STIMATE: variants seen among roughly 807,000 people sequenced by gnomAD.
STIMATE encodes store-operated calcium entry regulator STIMATE.
In STIMATE, 15 loss-of-function variants were observed where a neutral mutation model predicts 36.7. That is an observed-to-expected ratio of 0.41 (90% CI 0.27 to 0.63). STIMATE has a LOEUF of 0.63. Ranked by LOEUF, STIMATE falls within the 20% of genes least tolerant of loss-of-function variation. The pLI, the probability that STIMATE is intolerant of heterozygous loss-of-function variation, is 0.32. For missense variants in STIMATE, 305 were observed against 397.3 expected, an observed-to-expected ratio of 0.77 and a Z score of 1.98; for synonymous variants, 163 against 162.3, an observed-to-expected ratio of 1.00 and a Z score of -0.03.
rs566696796 is a variant in STIMATE, at chr3:52,840,419, G to A, written c.*75C>T. ...AAAGGAAGGGCAGAGAGAGGGTAAG[G>A]AACGATGCTGCGGGATGACCTCTGC... is the stretch of plus-strand genomic sequence containing the variant. On this transcript the variant is annotated 3_prime_UTR_variant, in exon 8 of 8. Transcript: ENST00000355083. 6.7e-6 allele frequency: 10 copies of A among 1,503,208 alleles called. No homozygotes were observed. The highest frequency in any genetic ancestry group is 5.5e-5 in the African/African-American group (4 of 72,826). 93.1% of individuals were successfully genotyped at this position (1,503,208 alleles called of 1,614,324 possible).
chr3:52,850,747 T>C (rs1382882190), intron 3 of STIMATE, among the ~76,000 whole-genome samples: 1 of 152,236 alleles, frequency 6.6e-6, no homozygotes, highest in Non-Finnish European at 1.5e-5. Flanking sequence ...TTTTCTTTTT[T>C]TGAGATGGAG....
chr3:52,861,757 G>A (rs571026025), intron 1 of STIMATE, among the ~76,000 whole-genome samples: 68 of 152,262 alleles, frequency 4.5e-4, no homozygotes, highest in Admixed American at 1.3e-3. Context: ...TCTGTGAAGC[G>A]TGAGACCTTG....
chr3:52,859,695 AAAG>A (rs1244220820), intron 1 of STIMATE, among the ~76,000 whole-genome samples: 1 of 151,494 alleles, frequency 6.6e-6, no homozygotes, highest in Non-Finnish European at 1.5e-5. Context: ...AGAGAGAAAA[AAAG>A]AAAAAAATCC....
intron 1 of STIMATE, among the ~76,000 whole-genome samples, chr3:52,893,295 A>G (rs1221661587): frequency 6.6e-6 from 1 of 151,856 alleles, no homozygotes; most frequent in Non-Finnish European, 1.5e-5. Context: ...GATTGTCCTT[A>G]TTTTGGGGAG....
intron 1 of STIMATE, among the ~76,000 whole-genome samples, chr3:52,884,090 C>CT (rs1041965305): frequency 6.6e-6 from 1 of 152,104 alleles, no homozygotes; most frequent in Non-Finnish European, 1.5e-5. Flanking sequence ...CATTTCAAGG[C>CT]TTTTTTCCCC....
At chr3:52,852,523 A>C in intron 3 of STIMATE, 80 bp downstream of exon 3, 1 of 1,568,574 alleles carries the variant, frequency 6.4e-7, no homozygotes, top group Non-Finnish European at 8.7e-7. Flanking sequence ...AGGGAGCAGG[A>C]CCAGCAGCAG....
intron 1 of STIMATE, among the ~76,000 whole-genome samples, chr3:52,889,896 C>T (rs1462389069): frequency 6.6e-6 from 1 of 152,170 alleles, no homozygotes; most frequent in Non-Finnish European, 1.5e-5. Flanking sequence ...TAAATGCACC[C>T]GTAAAAGAGG....
At chr3:52,865,867 C>T (rs1385727460) in intron 1 of STIMATE, among the ~76,000 whole-genome samples, 1 of 152,106 alleles carries the variant, frequency 6.6e-6, no homozygotes, top group Admixed American at 6.5e-5. Flanking sequence ...TGGACAACCA[C>T]ACAGATGCAC....
At chr3:52,892,073 T>C (rs2106736933) in intron 1 of STIMATE, among the ~76,000 whole-genome samples, 1 of 152,344 alleles carries the variant, frequency 6.6e-6, no homozygotes. Flanking sequence ...AGGGATCCTG[T>C]TATTTTTAAC....
At chr3:52,868,771 C>T (rs1215992635) in intron 1 of STIMATE, among the ~76,000 whole-genome samples, 4 of 152,134 alleles carry the variant, frequency 2.6e-5, no homozygotes, top group African/African-American at 4.8e-5. Context: ...TACAGGCACG[C>T]GCCACCATGC....
chr3:52,855,081 C>G (rs1441821568), intron 2 of STIMATE, among the ~76,000 whole-genome samples: 1 of 152,152 alleles, frequency 6.6e-6, no homozygotes. Context: ...TAAACCAAAT[C>G]TAACAACAGG....
Position 52,840,310 on chromosome 3 carries a change from G to A in STIMATE, c.*184C>T, listed in dbSNP as rs1307748881. ...CCAGCCGCCAGTGGCCCCCTCGGGC[G>A]CTGGCTCCTCTTCCCTCTTTTTAAG... On this transcript the variant is annotated 3_prime_UTR_variant, in exon 8 of 8. Coordinates refer to ENST00000355083, the MANE Select transcript of STIMATE (RefSeq NM_198563.5). 5.7e-5 allele frequency: 36 copies of A among 634,000 alleles called. No individual in the cohort carries two copies. In the East Asian group the frequency reaches 7.7e-4, roughly 14 times the overall value. The allele number at this position is 634,000 out of a possible 1,614,324, so 39.3% of individuals were successfully genotyped here. A position where few individuals can be genotyped will look rare whatever the true frequency, so the allele number is the denominator to read the frequency against.
rs937260185 is a variant in STIMATE at position 52,885,642 on chromosome 3, G to T, written c.160+11649C>A. 2.6e-5 allele frequency among the ~76,000 whole-genome samples: 4 copies of T among 152,214 alleles called. 1 individual carries two copies. Among genetic ancestry groups the T allele is most frequent in the Admixed American group, 2.0e-4 (3 of 15,282 alleles). ...ATCTGTTCATAAAAAGTCTCGAGGA[G>T]ACCCCTAAGCTAAGGTGGAGAGCTT... On this transcript the variant is annotated intron_variant, in intron 1 of 7. Coordinates refer to ENST00000355083, the MANE Select transcript of STIMATE (RefSeq NM_198563.5).
intron 3 of STIMATE, among the ~76,000 whole-genome samples, chr3:52,850,293 G>A (rs1481469648): frequency 1.3e-5 from 2 of 152,096 alleles, no homozygotes; most frequent in East Asian, 1.9e-4. Context: ...TTAGCTGGGC[G>A]TGGTGGCGCG....
intron 1 of STIMATE, among the ~76,000 whole-genome samples, chr3:52,868,819 C>T (rs749083552): frequency 6.6e-6 from 1 of 152,032 alleles, no homozygotes. Context: ...AAGGTTTTAC[C>T]GTGTTGTCTA....
intron 1 of STIMATE, among the ~76,000 whole-genome samples, chr3:52,865,238 C>A (rs1701285035): frequency 6.6e-6 from 1 of 152,222 alleles, no homozygotes; most frequent in Non-Finnish European, 1.5e-5. Context: ...AGCCACGGTG[C>A]CCGACTGCCA....
At chr3:52,845,868 G>T (rs1450259290) in intron 4 of STIMATE, among the ~76,000 whole-genome samples, 1 of 149,858 alleles carries the variant, frequency 6.7e-6, no homozygotes, top group Non-Finnish European at 1.5e-5. Context: ...GCTCACCCTG[G>T]AAGTTCTGCC....
chr3:52,890,147 C>T (rs1487195896), intron 1 of STIMATE, among the ~76,000 whole-genome samples: 4 of 152,212 alleles, frequency 2.6e-5, no homozygotes, highest in African/African-American at 4.8e-5. Flanking sequence ...CAGGCTTCTA[C>T]AATCCTCTTC....
rs544921360 is a variant in STIMATE, at chr3:52,844,498, A to T, written c.540+331T>A. On this transcript the variant is annotated intron_variant, in intron 5 of 7. Transcript: ENST00000355083. ...TGGCTCAGTTAAACTACCAGCCAAGAGAGGTGTGTGACAGGATGTTTGCCG... is the reference window on the plus strand; with the variant it reads ...TGGCTCAGTTAAACTACCAGCCAAGTGAGGTGTGTGACAGGATGTTTGCCG... Among the ~76,000 whole-genome samples, 8 of 152,372 alleles carry T rather than the reference A, an allele frequency of 5.3e-5. No homozygotes were observed. In the South Asian group the frequency reaches 1.7e-3, roughly 32 times the overall value.
Sources: allele counts gnomAD v4.1 joint callset (sites outside exome capture counted in the v4.1 genomes callset), GRCh38; gene constraint gnomAD v4.1.1; transcripts MANE v1.5; gene names NCBI Gene and HGNC (gene_info 2026-07-23, HGNC 2026-07-21).